The following CLCN4 variants were observed in gnomAD, a reference collection of about 807,000 sequenced individuals.
The protein encoded by CLCN4 is H(+)/Cl(-) exchange transporter 4.
A neutral mutation model predicts 41.7 loss-of-function variants in CLCN4; 1 was observed. The ratio of observed to expected loss-of-function variants is 0.02; its 90% CI spans 0.01 to 0.11. CLCN4 has a LOEUF of 0.11. Ranked by LOEUF, CLCN4 falls within the 10% of genes least tolerant of loss-of-function variation. CLCN4 has a pLI of 1.00. For synonymous variants in CLCN4, 277 were observed against 285.8 expected (o/e 0.97, Z 0.31); for missense variants, 287 against 661.0 (o/e 0.43, Z 6.20).
At chrX:10,163,637 C>T (rs1453847733) in intron 2 of CLCN4, among the ~76,000 whole-genome samples, 2 of 111,617 alleles carry the variant, frequency 1.8e-5, no homozygotes, top group African/African-American at 6.5e-5. Flanking sequence ...AACTCCTGAC[C>T]TCAGGGGATG....
At chrX:10,210,942 C>G (rs1252258408) in intron 9 of CLCN4, among the ~76,000 whole-genome samples, 1 of 106,396 alleles carries the variant, frequency 9.4e-6, no homozygotes, top group African/African-American at 3.5e-5. Flanking sequence ...GCCATCACAC[C>G]CAGCCTGAAT....
intron 11 of CLCN4, among the ~76,000 whole-genome samples, chrX:10,215,641 G>A (rs906040919): frequency 1.8e-5 from 2 of 111,817 alleles, no homozygotes; most frequent in Admixed American, 1.9e-4. Flanking sequence ...AGCAAAGGTT[G>A]AAATTTAAAA....
chrX:10,200,163 G>A (rs141161387), intron 6 of CLCN4, among the ~76,000 whole-genome samples: 1,967 of 111,865 alleles, frequency 0.018, 23 homozygotes, highest in Non-Finnish European at 0.028. Flanking sequence ...GTGGAGCTGG[G>A]ACTGCAGGCA....
At chrX:10,189,733 G>C (rs763742441) in intron 4 of CLCN4, among the ~76,000 whole-genome samples, 80 of 112,004 alleles carry the variant, frequency 7.1e-4, no homozygotes, top group African/African-American at 2.5e-3. Flanking sequence ...TGTTGTCTTC[G>C]GACTCCCCTC....
chrX:10,226,652 G>A (rs1036138210), intron 12 of CLCN4, among the ~76,000 whole-genome samples: 6 of 110,903 alleles, frequency 5.4e-5, no homozygotes, highest in African/African-American at 2.0e-4. Flanking sequence ...TAGACTGCTA[G>A]CTAGAGTAAT....
intron 5 of CLCN4, among the ~76,000 whole-genome samples, chrX:10,195,330 T>TAC (rs201776372): frequency 3.6e-5 from 4 of 111,055 alleles, no homozygotes; most frequent in African/African-American, 1.3e-4. Context: ...TATATATATA[T>TAC]ACACTTTAAG....
chrX:10,181,921 C>G (rs1446854856), intron 2 of CLCN4, among the ~76,000 whole-genome samples: 1 of 111,989 alleles, frequency 8.9e-6, no homozygotes, highest in Non-Finnish European at 1.9e-5. Flanking sequence ...ACAGGATCTG[C>G]TGTTGAAGAA....
chrX:10,210,149 C>T (rs1157757917), intron 9 of CLCN4, among the ~76,000 whole-genome samples: 2 of 111,810 alleles, frequency 1.8e-5, no homozygotes, highest in Admixed American at 9.5e-5. Flanking sequence ...AAGGTTCATT[C>T]ACATTGTAGC....
At chrX:10,159,851 C>T (rs1254125049) in intron 2 of CLCN4, among the ~76,000 whole-genome samples, 3 of 111,423 alleles carry the variant, frequency 2.7e-5, no homozygotes, top group Non-Finnish European at 3.8e-5. Context: ...AGAGGTGGAT[C>T]TAATACAGAC....
intron 8 of CLCN4, 143 bp from the exon 9 acceptor site, chrX:10,207,902 G>A (rs1042163949): frequency 8.1e-5 from 41 of 506,025 alleles, no homozygotes; most frequent in African/African-American, 6.8e-4. Context: ...TTGCTGATGC[G>A]TTTTGGTCAC....
chrX:10,168,405 C>T (rs947270209), intron 2 of CLCN4, among the ~76,000 whole-genome samples: 3 of 112,188 alleles, frequency 2.7e-5, no homozygotes, highest in Non-Finnish European at 5.6e-5. Flanking sequence ...CCAACTCCAG[C>T]GCCTTTGCTT....
chrX:10,189,052 T>C (rs1457557272), intron 4 of CLCN4, among the ~76,000 whole-genome samples: 3 of 112,320 alleles, frequency 2.7e-5, no homozygotes, highest in African/African-American at 9.7e-5. Flanking sequence ...TAGACTTCAT[T>C]GTCACAAGGG....
At chrX:10,224,234 C>G (rs1419008920) in intron 12 of CLCN4, among the ~76,000 whole-genome samples, 1 of 109,632 alleles carries the variant, frequency 9.1e-6, no homozygotes, top group African/African-American at 3.3e-5. Flanking sequence ...TCTTTTGATA[C>G]TGTCTCCAGG....
At chrX:10,216,895 GTGTATATATA>G (rs1191208375) in intron 11 of CLCN4, among the ~76,000 whole-genome samples, 1 of 2,096 alleles carries the variant, frequency 4.8e-4, no homozygotes, top group African/African-American at 8.0e-4. Context: ...GTGTGTGTGT[GTGTATATATA>G]TATATATATA....
At chrX:10,228,148 C>G (rs1041182745) in intron 12 of CLCN4, among the ~76,000 whole-genome samples, 1 of 110,059 alleles carries the variant, frequency 9.1e-6, no homozygotes, top group South Asian at 3.9e-4. Context: ...TGTAGTCACC[C>G]TGTTGCACTA....
chrX:10,222,727 G>A (rs191138931), intron 12 of CLCN4, among the ~76,000 whole-genome samples: 2 of 111,730 alleles, frequency 1.8e-5, no homozygotes, highest in East Asian at 5.6e-4. Context: ...ATAGCCAAAT[G>A]AGCAATCCTA....
Position 10,213,736 on chromosome X carries a change from G to A in CLCN4, c.1632G>A (p.Gly544=), listed in dbSNP as rs150562333. Residue 544 remains glycine (G), a synonymous_variant, in exon 11 of 13, where the codon GGG becomes GGA. Coordinates refer to ENST00000380833, the MANE Select transcript of CLCN4 (RefSeq NM_001830.4). ...TGGTCATCATGTTTGAATTAACCGGGGGTCTGGAGTACATCGTGCCCCTGA... is the reference window on the plus strand; with the variant it reads ...TGGTCATCATGTTTGAATTAACCGGAGGTCTGGAGTACATCGTGCCCCTGA... ...SLVVIMFELT[G]GLEYIVPLMA... is the part of the protein sequence containing the mutation. 11 of 1,210,927 alleles carry A rather than the reference G, an allele frequency of 9.1e-6. No individual in the cohort carries two copies. Among genetic ancestry groups the A allele is most frequent in the Non-Finnish European group, 1.2e-5 (11 of 894,644 alleles).
intron 8 of CLCN4, 117 bp downstream of exon 8, chrX:10,206,893 CTG>C (rs1176856776): frequency 2.3e-6 from 1 of 435,192 alleles, no homozygotes; most frequent in Non-Finnish European, 3.5e-6. Context: ...ACAATTTCCA[CTG>C]TTTTTTTTTT....
intron 2 of CLCN4, among the ~76,000 whole-genome samples, chrX:10,175,936 C>T (rs1198877738): frequency 1.6e-5 from 1 of 64,144 alleles, no homozygotes; most frequent in Non-Finnish European, 2.6e-5. Flanking sequence ...CTCCCCCTCC[C>T]TCCCTCTCCC....
Sources: gnomAD v4.1 joint callset for allele counts (sites outside exome capture counted in the v4.1 genomes callset) on GRCh38, gnomAD v4.1.1 for gene constraint, MANE v1.5 for transcripts, NCBI Gene and HGNC (gene_info 2026-07-23, HGNC 2026-07-21) for gene names.